USP9X: variants seen among roughly 807,000 people sequenced by gnomAD.
USP9X encodes ubiquitin specific peptidase 9 X-linked.
In USP9X, 7 loss-of-function variants were observed where a neutral mutation model predicts 190.3. The observed-to-expected ratio is 0.04, with a 90% confidence interval of 0.02 to 0.07. The LOEUF is 0.07. USP9X is among the 10% of genes least tolerant of loss of function. USP9X has a pLI of 1.00. For missense variants in USP9X, 1,010 were observed against 1,916.9 expected (o/e 0.53, Z 8.83); for synonymous variants, 645 against 659.5 (o/e 0.98, Z 0.34).
At position 41,143,452 on chromosome X, in the gene USP9X, T is replaced by G; in HGVS notation, c.1314+9T>G. On this transcript the variant is annotated intron_variant, in intron 10 of 44. Coordinates refer to ENST00000378308, the MANE Select transcript of USP9X (RefSeq NM_001039591.3). ...ATATCTGGGCAGCACAGGTAAGGAA[T>G]TTAAGATGATGGCTATTTAGTTTTT... 8.6e-7 allele frequency: 1 copy of G among 1,157,728 alleles called. No individual in the cohort carries two copies. Among genetic ancestry groups the G allele is most frequent in the East Asian group, 3.0e-5 (1 of 32,985 alleles).
At chrX:41,155,845 T>G (rs997405671) in intron 14 of USP9X, among the ~76,000 whole-genome samples, 2 of 112,340 alleles carry the variant, frequency 1.8e-5, no homozygotes, top group African/African-American at 6.5e-5. Flanking sequence ...AAGTACCACA[T>G]GATCCTTGAC....
intron 27 of USP9X, 100 bp from the exon 28 acceptor site, chrX:41,196,492 C>T (rs2062985761): frequency 1.1e-5 from 12 of 1,089,114 alleles, no homozygotes; most frequent in Admixed American, 2.7e-5. Flanking sequence ...CTTTATTTCC[C>T]GCACTGTGGT....
At chrX:41,108,288 G>A (rs143532957) in intron 1 of USP9X, among the ~76,000 whole-genome samples, 199 of 111,709 alleles carry the variant, frequency 1.8e-3, no homozygotes, top group Non-Finnish European at 3.1e-3. Flanking sequence ...ACCTCTCTCT[G>A]TGTTGGTATC....
chrX:41,127,561 C>G (rs1457672803), intron 2 of USP9X, among the ~76,000 whole-genome samples: 5 of 112,235 alleles, frequency 4.5e-5, no homozygotes. Flanking sequence ...TACTTCACAT[C>G]AGACATTTTT....
chrX:41,099,684 T>A (rs760623280), intron 1 of USP9X, among the ~76,000 whole-genome samples: 4 of 112,027 alleles, frequency 3.6e-5, no homozygotes, highest in Non-Finnish European at 7.5e-5. Flanking sequence ...GAATGAATTT[T>A]CTGAAATGAG....
At chrX:41,139,096 G>GT (rs2062399911) in intron 6 of USP9X, among the ~76,000 whole-genome samples, 1 of 112,400 alleles carries the variant, frequency 8.9e-6, no homozygotes, top group South Asian at 3.6e-4. Flanking sequence ...CACACCTGCT[G>GT]TTTTATAAAT....
At chrX:41,147,671 T>C (rs1287568256) in intron 11 of USP9X, among the ~76,000 whole-genome samples, 1 of 111,154 alleles carries the variant, frequency 9.0e-6, no homozygotes, top group African/African-American at 3.3e-5. Flanking sequence ...CAGGCTGATC[T>C]TGAACTCCCG....
intron 1 of USP9X, among the ~76,000 whole-genome samples, chrX:41,121,966 T>C (rs929015699): frequency 2.7e-5 from 3 of 112,122 alleles, no homozygotes; most frequent in Admixed American, 9.4e-5. Context: ...TGTAACCCTG[T>C]TATGGCTCTA....
chrX:41,096,201 C>T (rs930066782), intron 1 of USP9X, among the ~76,000 whole-genome samples: 3 of 112,592 alleles, frequency 2.7e-5, no homozygotes, highest in African/African-American at 3.2e-5. Flanking sequence ...TCTTCCCCCC[C>T]GCTCCCCGCA....
intron 1 of USP9X, among the ~76,000 whole-genome samples, chrX:41,096,156 T>TC (rs1392298906): frequency 8.9e-6 from 1 of 112,565 alleles, no homozygotes; most frequent in Non-Finnish European, 1.9e-5. Context: ...TCAATGTGGT[T>TC]CCTTAAACAG....
chrX:41,205,174 T>C, intron 31 of USP9X, 129 bp from the exon 32 acceptor site: 3 of 518,512 alleles, frequency 5.8e-6, no homozygotes, highest in Non-Finnish European at 9.0e-6. Flanking sequence ...ACTAAAAATT[T>C]ATAAATTGAA....
chrX:41,095,857 G>A (rs964900554), intron 1 of USP9X, among the ~76,000 whole-genome samples: 3 of 111,425 alleles, frequency 2.7e-5, no homozygotes, highest in Non-Finnish European at 5.7e-5. Context: ...GGATTGAGAT[G>A]GTATTTTAAC....
intron 36 of USP9X, 142 bp from the exon 37 acceptor site, chrX:41,218,230 T>G: frequency 5.8e-6 from 3 of 520,806 alleles, no homozygotes; most frequent in Non-Finnish European, 9.2e-6. Flanking sequence ...ATTGTTTTAA[T>G]ATTAGAAGCA....
intron 2 of USP9X, among the ~76,000 whole-genome samples, chrX:41,127,166 G>A (rs2062262854): frequency 9.0e-6 from 1 of 111,604 alleles, no homozygotes; most frequent in Non-Finnish European, 1.9e-5. Flanking sequence ...TTATATATGA[G>A]AACATTAATT....
rs184045071 is a variant in USP9X at position 41,135,684 on chromosome X, G to A, written c.435+847G>A. 2.4e-3 allele frequency among the ~76,000 whole-genome samples: 264 copies of A among 112,059 alleles called. 1 individual carries two copies. The highest frequency in any genetic ancestry group is 7.8e-3 in the African/African-American group (240 of 30,863). On this transcript the variant is annotated intron_variant, in intron 5 of 44. Coordinates refer to ENST00000378308, the MANE Select transcript of USP9X (RefSeq NM_001039591.3). ...CTCACTCTGTCTCCCAGGCTGGAGT[G>A]TAGTGGTGCGATCTCAGCTCACTGC...
intron 15 of USP9X, among the ~76,000 whole-genome samples, chrX:41,164,122 C>T (rs1041714267): frequency 1.8e-5 from 2 of 111,423 alleles, no homozygotes; most frequent in African/African-American, 3.3e-5. Flanking sequence ...CTGCCCGCCT[C>T]GGTCCCCCAA....
At chrX:41,141,476 G>A in intron 9 of USP9X, 45 bp downstream of exon 9, 1 of 1,083,834 alleles carries the variant, frequency 9.2e-7, no homozygotes, top group Non-Finnish European at 1.2e-6. Flanking sequence ...ATCTACTTAA[G>A]ACAAGAAATT....
At chrX:41,096,320 G>A (rs1474788121) in intron 1 of USP9X, among the ~76,000 whole-genome samples, 1 of 112,895 alleles carries the variant, frequency 8.9e-6, no homozygotes, top group Non-Finnish European at 1.9e-5. Context: ...TGAATAATCT[G>A]ATGGTTTAAT....
At chrX:41,196,414 A>G (rs1319358214) in intron 27 of USP9X, 55 bp downstream of exon 27, 4 of 1,162,411 alleles carry the variant, frequency 3.4e-6, no homozygotes, top group Non-Finnish European at 4.7e-6. Context: ...AGCAAGAAAC[A>G]TTCAGAAATT....
Sources: allele counts gnomAD v4.1 joint callset (sites outside exome capture counted in the v4.1 genomes callset), GRCh38; gene constraint gnomAD v4.1.1; transcripts MANE v1.5; gene names NCBI Gene and HGNC (gene_info 2026-07-23, HGNC 2026-07-21).